HPSE2: variants seen among roughly 807,000 people sequenced by gnomAD.
The protein encoded by HPSE2 is heparanase 2 (inactive), also known as inactive heparanase-2.
HPSE2 carries 38 observed loss-of-function variants against 60.5 expected under a neutral mutation model. The observed-to-expected ratio is 0.63, with a 90% confidence interval of 0.48 to 0.82. HPSE2 has a LOEUF of 0.82. HPSE2 is among the 40% of genes least tolerant of loss of function. The probability of loss-of-function intolerance (pLI) is 0.00; values close to 1 mark genes in which losing one functional copy is unlikely to be tolerated. For synonymous variants in HPSE2, 295 were observed against 293.2 expected (o/e 1.01, Z -0.06); for missense variants, 713 against 740.4 (o/e 0.96, Z 0.43).
chr10:98,985,486 A>C (rs1415201282), intron 3 of HPSE2, among the ~76,000 whole-genome samples: 1 of 152,238 alleles, frequency 6.6e-6, no homozygotes, highest in Non-Finnish European at 1.5e-5. Context: ...CAGCTCCTGA[A>C]GGAAGCACTA....
intron 3 of HPSE2, among the ~76,000 whole-genome samples, chr10:99,104,803 A>G (rs1448052294): frequency 6.6e-6 from 1 of 152,144 alleles, no homozygotes; most frequent in East Asian, 1.9e-4. Context: ...TCAGCAAACT[A>G]TTGCAAGGAC....
chr10:99,235,921 C>T, upstream of HPSE2: 1 of 758,408 alleles, frequency 1.3e-6, no homozygotes, highest in Non-Finnish European at 2.3e-6. Context: ...CTCCCACCAC[C>T]CCCCCAACAC....
intron 3 of HPSE2, among the ~76,000 whole-genome samples, chr10:98,872,351 T>A (rs1274850620): frequency 6.6e-6 from 1 of 152,078 alleles, no homozygotes; most frequent in South Asian, 2.1e-4. Flanking sequence ...GTGTTCAACA[T>A]GAGATATATA....
At chr10:98,586,442 T>C (rs1455049978) in intron 9 of HPSE2, among the ~76,000 whole-genome samples, 1 of 152,218 alleles carries the variant, frequency 6.6e-6, no homozygotes, top group Non-Finnish European at 1.5e-5. Context: ...CCATTTCCAC[T>C]GGTGTTTTTC....
At chr10:98,863,519 G>A (rs1275253210) in intron 3 of HPSE2, among the ~76,000 whole-genome samples, 1 of 152,110 alleles carries the variant, frequency 6.6e-6, no homozygotes, top group Non-Finnish European at 1.5e-5. Context: ...TACCCACCCT[G>A]TCCAATGCCA....
chr10:98,973,482 C>A (rs947776508), intron 3 of HPSE2, among the ~76,000 whole-genome samples: 1 of 152,154 alleles, frequency 6.6e-6, no homozygotes, highest in East Asian at 1.9e-4. Context: ...ATCTGAGAAT[C>A]CTCAAAGAAT....
At chr10:98,600,473 C>T (rs77293189) in intron 9 of HPSE2, among the ~76,000 whole-genome samples, 60 of 152,186 alleles carry the variant, frequency 3.9e-4, no homozygotes, top group Non-Finnish European at 6.6e-4. Flanking sequence ...TACTCAGTTC[C>T]TCTTTCACTC....
intron 3 of HPSE2, among the ~76,000 whole-genome samples, chr10:99,086,599 G>A (rs1166694493): frequency 1.3e-5 from 2 of 151,830 alleles, no homozygotes; most frequent in African/African-American, 2.4e-5. Flanking sequence ...TGATCCGCCC[G>A]CCTCGGCCTC....
At chr10:98,701,321 T>C (rs954672577) in intron 5 of HPSE2, among the ~76,000 whole-genome samples, 2 of 146,744 alleles carry the variant, frequency 1.4e-5, no homozygotes, top group Non-Finnish European at 3.0e-5. Context: ...TAAAACACGA[T>C]GAGTTCATGT....
At chr10:98,640,274 A>G (rs1038506776) in intron 7 of HPSE2, among the ~76,000 whole-genome samples, 1 of 152,212 alleles carries the variant, frequency 6.6e-6, no homozygotes, top group Admixed American at 6.5e-5. Context: ...TTTTTCACCA[A>G]ATGAATATCA....
At chr10:99,151,874 C>G (rs1364314242) in intron 2 of HPSE2, among the ~76,000 whole-genome samples, 1 of 152,166 alleles carries the variant, frequency 6.6e-6, no homozygotes, top group East Asian at 1.9e-4. Flanking sequence ...TATAACTGCA[C>G]CACTGCACTC....
intron 3 of HPSE2, among the ~76,000 whole-genome samples, chr10:98,814,941 C>A (rs951955225): frequency 2.0e-5 from 3 of 152,062 alleles, no homozygotes; most frequent in African/African-American, 7.2e-5. Context: ...TGTATCAGAC[C>A]AATCTTCCTG....
At chr10:98,917,607 C>A (rs866577023) in intron 3 of HPSE2, among the ~76,000 whole-genome samples, 14 of 152,292 alleles carry the variant, frequency 9.2e-5, no homozygotes, top group African/African-American at 3.4e-4. Context: ...GAGAGCTGTT[C>A]TGACATTTAA....
intron 2 of HPSE2, among the ~76,000 whole-genome samples, chr10:99,228,667 T>C (rs1849550690): frequency 6.6e-6 from 1 of 152,196 alleles, no homozygotes; most frequent in Non-Finnish European, 1.5e-5. Flanking sequence ...TCACTATTTG[T>C]GTATATAATT....
chr10:99,182,706 C>T (rs1226343104), intron 2 of HPSE2, among the ~76,000 whole-genome samples: 1 of 151,860 alleles, frequency 6.6e-6, no homozygotes, highest in Non-Finnish European at 1.5e-5. Flanking sequence ...TCTTGGAAAC[C>T]TAAAAAACAG....
At chr10:98,624,104 T>C (rs557401802) in intron 7 of HPSE2, among the ~76,000 whole-genome samples, 4 of 152,350 alleles carry the variant, frequency 2.6e-5, no homozygotes, top group Non-Finnish European at 5.9e-5. Flanking sequence ...GGTGGGTCTA[T>C]AGCAATGAAG....
intron 3 of HPSE2, among the ~76,000 whole-genome samples, chr10:99,033,401 A>G (rs1957541239): frequency 6.6e-6 from 1 of 152,226 alleles, no homozygotes; most frequent in Non-Finnish European, 1.5e-5. Context: ...GCAAATAAGC[A>G]TATGACATGA....
chr10:98,584,274 C>T (rs1197827220), intron 9 of HPSE2, among the ~76,000 whole-genome samples: 1 of 152,140 alleles, frequency 6.6e-6, no homozygotes, highest in Admixed American at 6.5e-5. Context: ...TTGTACTATG[C>T]TGAGGACCAA....
At chr10:99,167,005 G>GTTT (rs36142410) in intron 2 of HPSE2, among the ~76,000 whole-genome samples, 1 of 149,546 alleles carries the variant, frequency 6.7e-6, no homozygotes. Context: ...TTTCCTTTTT[G>GTTT]TTTGTTTGTT....
Sources: allele counts gnomAD v4.1 joint callset (sites outside exome capture counted in the v4.1 genomes callset), GRCh38; gene constraint gnomAD v4.1.1; transcripts MANE v1.5; gene names NCBI Gene and HGNC (gene_info 2026-07-23, HGNC 2026-07-21).